ZIM2: variants seen among roughly 807,000 people sequenced by gnomAD.
The protein encoded by ZIM2 is zinc finger imprinted 2.
A neutral mutation model predicts 38.6 loss-of-function variants in ZIM2; 14 were observed. That is an observed-to-expected ratio of 0.36 (90% CI 0.24 to 0.57). The LOEUF (loss-of-function observed/expected upper bound fraction) is 0.57, where lower values mean the gene tolerates loss of function less well. ZIM2 is among the 20% of genes least tolerant of loss of function. ZIM2 has a pLI of 0.81. For missense variants in ZIM2, 680 were observed against 695.1 expected, an observed-to-expected ratio of 0.98 and a Z score of 0.24; for synonymous variants, 247 against 245.8, an observed-to-expected ratio of 1.00 and a Z score of -0.04.
chr19:56,837,345 A>G (rs1388547840), intron 1 of ZIM2, among the ~76,000 whole-genome samples: 1 of 152,142 alleles, frequency 6.6e-6, no homozygotes, highest in African/African-American at 2.4e-5. Context: ...TTCCACCTCC[A>G]GCTGTACGAT....
intron 2 of ZIM2, among the ~76,000 whole-genome samples, chr19:56,829,629 A>G (rs1340411859): frequency 6.6e-6 from 1 of 152,222 alleles, no homozygotes; most frequent in Non-Finnish European, 1.5e-5. Context: ...TACCTGACAC[A>G]AGGTGGGCCA....
Position 56,797,201 on chromosome 19 carries a change from A to G in ZIM2, c.491-7250T>C, listed in dbSNP as rs145399018. 5.2e-3 allele frequency among the ~76,000 whole-genome samples: 790 copies of G among 152,278 alleles called. 5 individuals carry two copies. The highest frequency in any genetic ancestry group is 0.016 in the African/African-American group (666 of 41,542). On this transcript the variant is annotated intron_variant, in intron 9 of 12. Coordinates refer to ENST00000629319, the MANE Select transcript of ZIM2 (RefSeq NM_001387356.1). ...TGTGGTGGTGCACACTTGTAGTCCT[A>G]GCTACTCAGGAGGCTGAGGCATGAG... is the stretch of plus-strand genomic sequence containing the variant.
At chr19:56,775,671 A>G (rs1420370558) in intron 12 of ZIM2, 142 bp from the exon 13 acceptor site, 27 of 1,410,510 alleles carry the variant, frequency 1.9e-5, no homozygotes, top group Non-Finnish European at 2.3e-5. Flanking sequence ...AAAAAAAAGT[A>G]AAAATTCCTC....
At chr19:56,780,018 G>C (rs893376576) in intron 11 of ZIM2, among the ~76,000 whole-genome samples, 2 of 151,890 alleles carry the variant, frequency 1.3e-5, no homozygotes, top group Non-Finnish European at 1.5e-5. Flanking sequence ...TTTGTTTACT[G>C]TCTGACTCCA....
At chr19:56,781,354 C>T (rs2046322957) in intron 11 of ZIM2, among the ~76,000 whole-genome samples, 1 of 152,142 alleles carries the variant, frequency 6.6e-6, no homozygotes, top group Admixed American at 6.6e-5. Flanking sequence ...TCAACTTTAC[C>T]TGTGAGAACA....
rs1318510310 is a variant in ZIM2 at position 56,814,282 on chromosome 19, A to G, written c.490+3464T>C. ...AGCAGCCTCTACGTTTAAGCCCTGA[A>G]TCCTCAGAACTACTTGTGGAACATG... On this transcript the variant is annotated intron_variant, in intron 9 of 12. Coordinates refer to ENST00000629319, the MANE Select transcript of ZIM2 (RefSeq NM_001387356.1). This position sits in a 1 kb window ranked among gnomAD's most constrained non-coding sequence, Gnocchi z 5.8. 2.5e-6 allele frequency: 4 copies of G among 1,613,202 alleles called. No homozygotes were observed. The African/African-American group carries it at 4.0e-5, about 16-fold the overall frequency.
intron 1 of ZIM2, among the ~76,000 whole-genome samples, chr19:56,838,038 A>G (rs2062390794): frequency 6.6e-6 from 1 of 152,198 alleles, no homozygotes; most frequent in African/African-American, 2.4e-5. Context: ...CAGCCAGCCC[A>G]GCTGTCATTC....
intron 3 of ZIM2, among the ~76,000 whole-genome samples, chr19:56,825,502 A>G (rs1196786743): frequency 1.3e-5 from 2 of 152,118 alleles, no homozygotes; most frequent in Non-Finnish European, 2.9e-5. Context: ...TTATTTTATT[A>G]TCTGCCCCCT....
intron 1 of ZIM2, among the ~76,000 whole-genome samples, chr19:56,836,969 C>CAAAAAAAAAAAAAA (rs573566620): frequency 8.5e-6 from 1 of 116,988 alleles, no homozygotes; most frequent in Non-Finnish European, 1.7e-5. Flanking sequence ...GACTCTGTCT[C>CAAAAAAAAAAAAAA]AAAAAAAAAA....
intron 5 of ZIM2, 25 bp downstream of exon 5, chr19:56,823,565 G>C (rs762813794): frequency 6.2e-7 from 1 of 1,613,946 alleles, no homozygotes; most frequent in Non-Finnish European, 8.5e-7. Context: ...CTGCCCATGG[G>C]TGACCAGTGG....
At chr19:56,815,868 C>G (rs1179001231) in intron 9 of ZIM2, 1 of 1,613,418 alleles carries the variant, frequency 6.2e-7, no homozygotes, top group Non-Finnish European at 8.5e-7. Flanking sequence ...AGGATTCTCC[C>G]TTCTCATTAG....
At chr19:56,840,215 G>A (rs1011713299) in intron 1 of ZIM2, among the ~76,000 whole-genome samples, 1 of 152,324 alleles carries the variant, frequency 6.6e-6, no homozygotes, top group East Asian at 1.9e-4. Context: ...CAGAGCCCCC[G>A]GCTGTCTGCC....
rs372724937 is a variant in ZIM2, at chr19:56,814,764, T to C, written c.490+2982A>G. The C allele has an allele frequency of 2.3e-5, 37 of 1,614,114 alleles. No homozygotes were observed. In the African/African-American group the frequency reaches 3.9e-4, roughly 17 times the overall value. The stretch of plus-strand genomic sequence containing the variant: ...TGAAGCCTTGTCCACACAAAAGGCA[T>C]CGAATGGCCGACCCAGCAAGAGCAG... On this transcript the variant is annotated intron_variant, in intron 9 of 12. Coordinates refer to ENST00000629319, the MANE Select transcript of ZIM2 (RefSeq NM_001387356.1). The surrounding 1 kb of genome is among the most constrained non-coding windows in gnomAD (Gnocchi z 5.8).
rs1373792400 is a variant in ZIM2, at chr19:56,789,932, A to G, written c.510T>C (p.Ser170=). ...CTGTGTTCCTCTTTTCTGCAGGGAC[A>G]GAGTCCTGAGCAAGGAAACCTAGAA... ...STSRGFLAQD[S]VPAEKRNTEM... is the part of the protein sequence containing the mutation. Residue 170 remains serine, a synonymous_variant, in exon 10 of 13, where the codon TCT becomes TCC. Transcript: ENST00000629319. 2.5e-6 allele frequency: 4 copies of G among 1,574,892 alleles called. No homozygotes were observed. The highest frequency in any genetic ancestry group is 1.2e-5 in the South Asian group (1 of 84,836).
chr19:56,838,643 A>G (rs551086957), intron 1 of ZIM2, among the ~76,000 whole-genome samples: 1 of 152,340 alleles, frequency 6.6e-6, no homozygotes, highest in South Asian at 2.1e-4. Flanking sequence ...GCGCGGTGAT[A>G]ACCCGTCACC....
Position 56,775,455 on chromosome 19 carries a change from C to T in ZIM2, c.910G>A (p.Asp304Asn). Residue 304 changes from aspartate to asparagine, a missense_variant, in exon 13 of 13, where the codon GAC (aspartate) becomes AAC (asparagine). Transcript: ENST00000629319. ...CTTTCCGGAGTGAGGGTCTTGGGGT[C>T]ATTCATTGTTATAGGAGTCAAAAGT... ...EKLLTPITMN[D>N]PKTLTPERSY... 1 of 1,614,006 alleles carries T rather than the reference C, an allele frequency of 6.2e-7. No homozygotes were observed. The highest frequency in any genetic ancestry group is 8.5e-7 in the Non-Finnish European group (1 of 1,180,010).
At chr19:56,822,313 C>T (rs565978168) in intron 6 of ZIM2, among the ~76,000 whole-genome samples, 3 of 152,188 alleles carry the variant, frequency 2.0e-5, no homozygotes, top group Non-Finnish European at 4.4e-5. Flanking sequence ...TGATTGATTC[C>T]CTTCCAAATC....
chr19:56,824,434 C>T lies in ZIM2; in HGVS notation c.-150-7G>A. 6.2e-7 allele frequency: 1 copy of T among 1,614,086 alleles called. No individual in the cohort carries two copies. The highest frequency in any genetic ancestry group is 8.5e-7 in the Non-Finnish European group (1 of 1,180,018). On this transcript the variant is annotated splice_region_variant and splice_polypyrimidine_tract_variant and intron_variant, in intron 3 of 12. Coordinates refer to ENST00000629319, the MANE Select transcript of ZIM2 (RefSeq NM_001387356.1). ...CCTTGGTGCGGGTCTCCGGCTGCAA[C>T]CAATCGAGGCAGAGGTTTCGGAGTT...
intron 9 of ZIM2, among the ~76,000 whole-genome samples, chr19:56,805,500 TTG>T (rs2047715606): frequency 6.6e-6 from 1 of 152,196 alleles, no homozygotes; most frequent in Admixed American, 6.5e-5. Context: ...CTCCCACTGA[TTG>T]TTTATTAGTT....
Sources: gnomAD v4.1 joint callset for allele counts (sites outside exome capture counted in the v4.1 genomes callset) on GRCh38, gnomAD v4.1.1 for gene constraint, Gnocchi (gnomAD v3.1) non-coding constraint, MANE v1.5 for transcripts, NCBI Gene and HGNC (gene_info 2026-07-23, HGNC 2026-07-21) for gene names.